MPRIP: variants seen among roughly 807,000 people sequenced by gnomAD.
The protein encoded by MPRIP is myosin phosphatase Rho-interacting protein.
A neutral mutation model predicts 234.9 loss-of-function variants in MPRIP; 59 were observed. The observed-to-expected ratio is 0.25, with a 90% CI of 0.20 to 0.31. The LOEUF is 0.31. Among genes scored for constraint, MPRIP ranks in the 10% least tolerant of loss-of-function variants. The pLI, the probability that MPRIP is intolerant of heterozygous loss-of-function variation, is 1.00. For missense variants in MPRIP, 2,436 were observed against 3,071.0 expected, an observed-to-expected ratio of 0.79 and a Z score of 4.89; for synonymous variants, 1,144 against 1,263.9, an observed-to-expected ratio of 0.91 and a Z score of 2.01.
chr17:17,067,790 CTTTTTTT>C (rs35187618), intron 1 of MPRIP, among the ~76,000 whole-genome samples: 44 of 76,748 alleles, frequency 5.7e-4, no homozygotes, highest in African/African-American at 9.2e-4. Flanking sequence ...CTTCTTCTTC[CTTTTTTT>C]TTTTTTTTTT....
Position 17,161,126 on chromosome 17 carries a change from G to A in MPRIP, c.2401-114G>A, listed in dbSNP as rs868448361. 1.9e-5 allele frequency: 12 copies of A among 643,992 alleles called. No homozygotes were observed. In the African/African-American group the frequency reaches 2.0e-4, roughly 11 times the overall value. 39.9% of individuals were successfully genotyped at this position (643,992 alleles called of 1,614,324 possible). On this transcript the variant is annotated intron_variant, in intron 14 of 23. Coordinates refer to ENST00000651222, the MANE Select transcript of MPRIP (RefSeq NM_001364716.4). ...CATATCAGCACATCTGCTGAAATGTGGAGACTCCAAAACTCTTGGGCCACA... is the reference window on the plus strand; with the variant it reads ...CATATCAGCACATCTGCTGAAATGTAGAGACTCCAAAACTCTTGGGCCACA...
At chr17:17,064,415 T>C (rs761347141) in intron 1 of MPRIP, among the ~76,000 whole-genome samples, 3 of 152,130 alleles carry the variant, frequency 2.0e-5, no homozygotes, top group Non-Finnish European at 4.4e-5. Context: ...CCTGTGGTTG[T>C]AACAAATAAC....
At chr17:17,127,856 A>G (rs2144398654) in intron 4 of MPRIP, among the ~76,000 whole-genome samples, 1 of 152,318 alleles carries the variant, frequency 6.6e-6, no homozygotes, top group East Asian at 1.9e-4. Context: ...GTGAGTGAGC[A>G]CAGCTGGAAG....
At chr17:17,151,041 T>TATTATTATTATC (rs1163474661) in intron 12 of MPRIP, among the ~76,000 whole-genome samples, 31 of 149,952 alleles carry the variant, frequency 2.1e-4, no homozygotes, top group African/African-American at 4.4e-4. Context: ...TTATTATTAT[T>TATTATTATTATC]ATCATTATTT....
chr17:17,152,213 C>G (rs1030925446), intron 12 of MPRIP, among the ~76,000 whole-genome samples: 11 of 152,256 alleles, frequency 7.2e-5, no homozygotes, highest in African/African-American at 2.7e-4. Context: ...CTCTTAGTGG[C>G]CTGCACTGCC....
At chr17:17,143,817 A>C (rs2144515380) in intron 9 of MPRIP, 148 bp downstream of exon 9, 1 of 457,636 alleles carries the variant, frequency 2.2e-6, no homozygotes, top group East Asian at 3.6e-5. Context: ...CCACCGACCC[A>C]CAGGCCGTCG....
rs563505864 is a variant in MPRIP at position 17,147,180 on chromosome 17, A to C, written c.1561-139A>C. 2.3e-4 allele frequency: 177 copies of C among 771,916 alleles called. No homozygotes were observed. In the African/African-American group the frequency reaches 2.4e-3, roughly 10 times the overall value. The allele number at this position is 771,916 out of a possible 1,614,324, so 47.8% of individuals were successfully genotyped here. On this transcript the variant is annotated intron_variant, in intron 10 of 23. Coordinates refer to ENST00000651222, the MANE Select transcript of MPRIP (RefSeq NM_001364716.4). ...CGAGCAGAGTCCTCTGTATGCTGTC[A>C]AGGGAGGGGCCAGCCTGTCCCCTGC...
chr17:17,175,962 G>T (rs918251326), intron 20 of MPRIP, among the ~76,000 whole-genome samples: 5 of 152,238 alleles, frequency 3.3e-5, no homozygotes, highest in African/African-American at 1.2e-4. Context: ...GACACTGAGA[G>T]GCCAAGGCTG....
chr17:17,083,641 C>T (rs2089517914), intron 3 of MPRIP, among the ~76,000 whole-genome samples: 1 of 152,316 alleles, frequency 6.6e-6, no homozygotes, highest in Non-Finnish European at 1.5e-5. Context: ...CTCCCTAAGC[C>T]ATTTTTTTGC....
At chr17:17,057,571 G>C (rs983382239) in intron 1 of MPRIP, 15 of 717,238 alleles carry the variant, frequency 2.1e-5, no homozygotes, top group Non-Finnish European at 3.6e-5. Flanking sequence ...GTCAGCTAGA[G>C]GGAAAAGGCC....
chr17:17,114,350 T>G (rs2090237850), intron 3 of MPRIP, among the ~76,000 whole-genome samples: 1 of 152,218 alleles, frequency 6.6e-6, no homozygotes, highest in African/African-American at 2.4e-5. Context: ...AGTATTCCCT[T>G]CCCTTCCCTA....
At chr17:17,139,987 C>G (rs2090779547) in intron 7 of MPRIP, among the ~76,000 whole-genome samples, 1 of 152,240 alleles carries the variant, frequency 6.6e-6, no homozygotes, top group Non-Finnish European at 1.5e-5. Context: ...CAATGGATAG[C>G]TGGTGCAGAT....
chr17:17,105,360 A>G (rs2090042403), intron 3 of MPRIP, among the ~76,000 whole-genome samples: 2 of 152,132 alleles, frequency 1.3e-5, no homozygotes, highest in South Asian at 4.1e-4. Context: ...GCCCATTGCT[A>G]TTGTGGGGTC....
intron 3 of MPRIP, among the ~76,000 whole-genome samples, chr17:17,081,821 C>T (rs756703359): frequency 6.6e-6 from 1 of 152,106 alleles, no homozygotes; most frequent in Non-Finnish European, 1.5e-5. Context: ...ATTTCTTTCT[C>T]GATACACCCA....
rs923030457 is a variant in MPRIP, at chr17:17,166,639, T to C, written c.5048T>C (p.Phe1683Ser). 5 of 1,303,910 alleles carry C rather than the reference T, an allele frequency of 3.8e-6. No individual in the cohort carries two copies. In the African/African-American group the frequency reaches 7.6e-5, roughly 20 times the overall value. The allele number at this position is 1,303,910 out of a possible 1,614,324, so 80.8% of individuals were successfully genotyped here. A position where few individuals can be genotyped will look rare whatever the true frequency, so the allele number is the denominator to read the frequency against. Residue 1683 changes from phenylalanine (F) to serine (S), a missense_variant, in exon 16 of 24, where the codon TTC becomes TCC. Physicochemically the swap from Phe to Ser is radical, Grantham distance 155 (BLOSUM62 -2). This residue lies in a region of MPRIP where 1,998 missense variants were observed against 2,520.3 expected (regional missense o/e 0.79). Coordinates refer to ENST00000651222, the MANE Select transcript of MPRIP (RefSeq NM_001364716.4). This position sits in a 1 kb window ranked among gnomAD's most constrained non-coding sequence, Gnocchi z 4.4. ...SFATQSVRESFHRRLQSIQET... is the reference protein window; with the variant it reads ...SFATQSVRESSHRRLQSIQET... ...GCCACACAGTCAGTGAGGGAGTCGT[T>C]CCACCGCAGGCTACAGAGCATCCAG...
chr17:17,100,443 T>C (rs866888535), intron 3 of MPRIP, among the ~76,000 whole-genome samples: 4 of 152,190 alleles, frequency 2.6e-5, no homozygotes, highest in African/African-American at 4.8e-5. Context: ...TGTGTGTGTG[T>C]GTGTATTTCA....
intron 16 of MPRIP, among the ~76,000 whole-genome samples, chr17:17,169,713 A>G (rs149078653): frequency 1.3e-5 from 2 of 152,312 alleles, no homozygotes; most frequent in Admixed American, 1.3e-4. Context: ...GTAAATAGAC[A>G]GCACCTTGAG....
chr17:17,082,599 C>A (rs141828455), intron 3 of MPRIP, among the ~76,000 whole-genome samples: 4 of 152,058 alleles, frequency 2.6e-5, no homozygotes, highest in African/African-American at 9.7e-5. Context: ...CCGGTCTGTT[C>A]GAATGTTTTT....
At chr17:17,146,128 C>T (rs1489446756) in intron 10 of MPRIP, 36 bp downstream of exon 10, 4 of 1,600,714 alleles carry the variant, frequency 2.5e-6, no homozygotes, top group Middle Eastern at 1.7e-4. Flanking sequence ...CCTGAGGGAT[C>T]TGGGGACAGG....
Sources: allele counts gnomAD v4.1 joint callset (sites outside exome capture counted in the v4.1 genomes callset), GRCh38; gene constraint gnomAD v4.1.1; regional missense constraint gnomAD v4.1.1; non-coding constraint Gnocchi (gnomAD v3.1); transcripts MANE v1.5; gene names NCBI Gene and HGNC (gene_info 2026-07-23, HGNC 2026-07-21).